MTIF2: variants seen among roughly 807,000 people sequenced by gnomAD.
The protein encoded by MTIF2 is mitochondrial translational initiation factor 2, also known as translation initiation factor IF-2, mitochondrial.
In MTIF2, 71 loss-of-function variants were observed where a neutral mutation model predicts 83.5. The observed-to-expected ratio is 0.85, with a 90% CI of 0.70 to 1.04. The LOEUF is 1.04. Among genes scored for constraint, MTIF2 ranks in the 50% least tolerant of loss-of-function variants. The probability of loss-of-function intolerance (pLI) is 0.00; values close to 1 mark genes in which losing one functional copy is unlikely to be tolerated. For synonymous variants in MTIF2, 319 were observed against 287.1 expected (o/e 1.11, Z -1.12); for missense variants, 957 against 846.5 (o/e 1.13, Z -1.62).
rs1298347819 is a variant in MTIF2 at position 55,268,639 on chromosome 2, C to T, written c.-136G>A. The T allele has an allele frequency of 6.6e-6, 1 of 152,258 alleles. No homozygotes were observed. The highest frequency in any genetic ancestry group is 2.4e-5 in the African/African-American group (1 of 41,442). The allele number at this position is 152,258 out of a possible 1,614,324, so 9.4% of individuals were successfully genotyped here. A position where few individuals can be genotyped will look rare whatever the true frequency, so the allele number is the denominator to read the frequency against. ...TCCAGAAGGGTCAAAAAAGCTTCTC[C>T]AATGTCATACCGCTAGTTAATGGCA... On this transcript the variant is annotated 5_prime_UTR_variant, in exon 2 of 16. Coordinates refer to ENST00000263629, the MANE Select transcript of MTIF2 (RefSeq NM_002453.3).
chr2:55,238,247 C>T (rs905762565), intron 14 of MTIF2, among the ~76,000 whole-genome samples: 3 of 151,946 alleles, frequency 2.0e-5, no homozygotes, highest in African/African-American at 7.3e-5. Context: ...GAATTCGTGG[C>T]CTCAAGCGAT....
In MTIF2 at chr2:55,249,500, T is replaced by C. The variant is rs761645760; in HGVS notation, c.876A>G (p.Lys292=). The part of the protein sequence containing the change: ...PIILAVNKCD[K]AEADPEKVKK... ...TCACTTTCTCAGGATCAGCCTCAGC[T>C]TTGTCACATTTATTTACGGCAAGGA... Residue 292 remains lysine (K), a synonymous_variant, in exon 9 of 16, where the codon AAA becomes AAG. Transcript: ENST00000263629. 2 of 1,614,034 alleles carry C rather than the reference T, an allele frequency of 1.2e-6. No homozygotes were observed. The highest frequency in any genetic ancestry group is 1.7e-5 in the Admixed American group (1 of 59,990).
At chr2:55,251,445 C>T (rs1677086939) in intron 8 of MTIF2, among the ~76,000 whole-genome samples, 1 of 152,162 alleles carries the variant, frequency 6.6e-6, no homozygotes. Flanking sequence ...AGAGTTCTGG[C>T]TGCTGTCTGA....
At chr2:55,256,324 ACAC>A (rs1480928869) in intron 5 of MTIF2, among the ~76,000 whole-genome samples, 3 of 147,748 alleles carry the variant, frequency 2.0e-5, no homozygotes, top group South Asian at 2.1e-4. Flanking sequence ...ACACACACAC[ACAC>A]AATATATATC....
chr2:55,260,198 G>A (rs560908558), intron 5 of MTIF2, among the ~76,000 whole-genome samples: 32 of 151,924 alleles, frequency 2.1e-4, no homozygotes, highest in African/African-American at 6.8e-4. Flanking sequence ...TCGGGAGTTC[G>A]AGACCAGCCT....
At chr2:55,261,941 C>CAAAA (rs5831348) in intron 5 of MTIF2, among the ~76,000 whole-genome samples, 1 of 87,174 alleles carries the variant, frequency 1.1e-5, no homozygotes, top group African/African-American at 3.9e-5. Context: ...AAAAAAAAAC[C>CAAAA]AAAAAAAAAA....
intron 13 of MTIF2, among the ~76,000 whole-genome samples, chr2:55,242,157 GA>G (rs58318634): frequency 0.11 from 16,167 of 142,510 alleles, 1,077 homozygotes; most frequent in East Asian, 0.29. Context: ...AAAAAAAAAA[GA>G]AAAAAAAAAG....
intron 5 of MTIF2, 91 bp from the exon 6 acceptor site, chr2:55,254,916 T>C: frequency 1.6e-6 from 1 of 642,558 alleles, no homozygotes; most frequent in Non-Finnish European, 2.3e-6. Context: ...AACAGTACAC[T>C]CAATGAGAGG....
chr2:55,249,396 G>GTT lies in MTIF2; in HGVS notation c.979_980insAA (p.Thr327LysfsTer6), dbSNP rs1391654183. The GTT allele has an allele frequency of 5.6e-6, 9 of 1,613,754 alleles. No individual in the cohort carries two copies. Among genetic ancestry groups the GTT allele is most frequent in the Admixed American group, 1.7e-5 (1 of 59,944 alleles). The stretch of plus-strand genomic sequence containing the variant: ...TTTATATGAGGTCCCCGCATTTACC[G>GTT]TAAGTGCGGAGACAGGCACTGCTTG... On this transcript the variant is annotated frameshift_variant and splice_region_variant, in exon 9 of 16. Transcript: ENST00000263629. LOFTEE classifies it high-confidence loss of function.
intron 8 of MTIF2, 124 bp downstream of exon 8, chr2:55,252,353 G>C: frequency 1.2e-6 from 1 of 801,194 alleles, no homozygotes; most frequent in Non-Finnish European, 2.0e-6. Flanking sequence ...ATTTATCTTT[G>C]AGGCTTATCT....
chr2:55,242,859 A>G, intron 13 of MTIF2, 81 bp downstream of exon 13: 1 of 1,431,552 alleles, frequency 7.0e-7, no homozygotes, highest in South Asian at 1.4e-5. Flanking sequence ...AGGTGTGACA[A>G]GCCAAGCAAC....
chr2:55,240,638 C>T (rs1334227178), intron 13 of MTIF2, among the ~76,000 whole-genome samples: 2 of 152,102 alleles, frequency 1.3e-5, no homozygotes, highest in Admixed American at 1.3e-4. Context: ...CTCACCAAAA[C>T]TAGTACGTTT....
At chr2:55,258,448 C>G (rs750695127) in intron 5 of MTIF2, among the ~76,000 whole-genome samples, 1 of 152,132 alleles carries the variant, frequency 6.6e-6, no homozygotes, top group Non-Finnish European at 1.5e-5. Context: ...GTGGGTGGAT[C>G]ACCTGAGGTC....
intron 10 of MTIF2, among the ~76,000 whole-genome samples, chr2:55,244,584 G>C (rs577596997): frequency 6.6e-6 from 1 of 152,274 alleles, no homozygotes; most frequent in Non-Finnish European, 1.5e-5. Context: ...AGAAAATGTG[G>C]ATTTTACATA....
At chr2:55,262,201 T>A in intron 5 of MTIF2, 115 bp downstream of exon 5, 1 of 744,252 alleles carries the variant, frequency 1.3e-6, no homozygotes, top group Non-Finnish European at 2.4e-6. Flanking sequence ...TGACTTAATA[T>A]ATTTTTTAAG....
chr2:55,248,864 G>A (rs892155084), intron 9 of MTIF2, among the ~76,000 whole-genome samples: 8 of 152,042 alleles, frequency 5.3e-5, no homozygotes, highest in African/African-American at 1.7e-4. Context: ...GGTCAGGCAT[G>A]GTGGCTCACA....
chr2:55,244,370 T>C, intron 10 of MTIF2, 137 bp from the exon 11 acceptor site: 1 of 702,122 alleles, frequency 1.4e-6, no homozygotes, highest in Non-Finnish European at 2.3e-6. Context: ...TAAGCAGTTT[T>C]TCATACTATA....
chr2:55,260,878 C>A (rs1390844051), intron 5 of MTIF2, among the ~76,000 whole-genome samples: 1 of 151,908 alleles, frequency 6.6e-6, no homozygotes, highest in Non-Finnish European at 1.5e-5. Context: ...TTTCAAAAAT[C>A]CTAAATTGGT....
intron 2 of MTIF2, chr2:55,267,913 T>C (rs1353571253): frequency 3.9e-5 from 6 of 152,144 alleles, no homozygotes; most frequent in African/African-American, 1.4e-4. Context: ...CGAGTAAAGA[T>C]CAAGGAAAAA....
Sources: gnomAD v4.1 joint callset for allele counts (sites outside exome capture counted in the v4.1 genomes callset) on GRCh38, gnomAD v4.1.1 for gene constraint, MANE v1.5 for transcripts, NCBI Gene and HGNC (gene_info 2026-07-23, HGNC 2026-07-21) for gene names.